The following DLGAP1 variants were observed in gnomAD, a reference collection of about 807,000 sequenced individuals.
The protein encoded by DLGAP1 is disks large-associated protein 1.
Under a neutral mutation model 90.8 loss-of-function variants are expected in DLGAP1, and 11 were observed. The ratio of observed to expected loss-of-function variants is 0.12; its 90% CI spans 0.08 to 0.20. The LOEUF (loss-of-function observed/expected upper bound fraction) is 0.20, where lower values mean the gene tolerates loss of function less well. Ranked by LOEUF, DLGAP1 falls within the 10% of genes least tolerant of loss-of-function variation. DLGAP1 has a pLI of 1.00. For synonymous variants in DLGAP1, 558 were observed against 540.7 expected, an observed-to-expected ratio of 1.03 and a Z score of -0.44; for missense variants, 1,050 against 1,333.8, an observed-to-expected ratio of 0.79 and a Z score of 3.31.
rs10625642 is a variant in DLGAP1, at chr18:4,257,973, A to ATGTGTGTGTG, written c.-266-106696_-266-106687dup. 3.8e-3 allele frequency among the ~76,000 whole-genome samples: 543 copies of ATGTGTGTGTG among 141,338 alleles called. 1 individual carries two copies. The highest frequency in any genetic ancestry group is 0.012 in the East Asian group (60 of 4,812). 92.7% of individuals were successfully genotyped at this position (141,338 alleles called of 152,430 possible). ...ATGGATTACAACAAGAGTTATACAT[A>ATGTGTGTGTG]TGTGTGTGTGTGTGTGTGTGTGTGT... On this transcript the variant is annotated intron_variant, in intron 1 of 12. Coordinates refer to ENST00000315677, the MANE Select transcript of DLGAP1 (RefSeq NM_004746.4).
intron 8 of DLGAP1, among the ~76,000 whole-genome samples, chr18:3,568,892 T>C (rs2054593105): frequency 6.6e-6 from 1 of 151,712 alleles, no homozygotes; most frequent in Admixed American, 6.6e-5. Flanking sequence ...TTCACTGTGT[T>C]AGCCAGGATG....
intron 6 of DLGAP1, among the ~76,000 whole-genome samples, chr18:3,735,574 G>A (rs1397758290): frequency 6.6e-6 from 1 of 152,106 alleles, no homozygotes; most frequent in Non-Finnish European, 1.5e-5. Context: ...ATAAAAGGTG[G>A]ATATTATTTT....
chr18:3,829,248 A>C (rs2067899693), intron 4 of DLGAP1, among the ~76,000 whole-genome samples: 2 of 152,228 alleles, frequency 1.3e-5, no homozygotes, highest in Admixed American at 1.3e-4. Flanking sequence ...ACTGACTATA[A>C]AGATAGAGAT....
intron 4 of DLGAP1, among the ~76,000 whole-genome samples, chr18:3,843,292 T>G (rs577794301): frequency 6.6e-6 from 1 of 152,294 alleles, no homozygotes; most frequent in Admixed American, 6.5e-5. Context: ...CATGCATGGG[T>G]TGACCACTAC....
rs184587433 is a variant in DLGAP1, at chr18:4,366,902, G to T, written c.-267+88104C>A. On this transcript the variant is annotated intron_variant, in intron 1 of 12. Transcript: ENST00000315677. ...CAAATGAACACAATAATTACATATA[G>T]GCAAATTACAAAGTTATCTCACAGA... is the stretch of plus-strand genomic sequence containing the variant. Among the ~76,000 whole-genome samples the T allele has an allele frequency of 3.5e-5, 5 of 143,794 alleles. No homozygotes were observed. The Admixed American group carries it at 3.8e-4, about 11-fold the overall frequency. 94.3% of individuals were successfully genotyped at this position (143,794 alleles called of 152,430 possible).
chr18:3,783,991 C>T (rs1568128056), intron 5 of DLGAP1, among the ~76,000 whole-genome samples: 1 of 152,196 alleles, frequency 6.6e-6, no homozygotes, highest in South Asian at 2.1e-4. Flanking sequence ...GCTTTTTGCT[C>T]CTGGCCCCTG....
At chr18:3,828,480 C>T (rs1329163040) in intron 4 of DLGAP1, among the ~76,000 whole-genome samples, 1 of 151,658 alleles carries the variant, frequency 6.6e-6, no homozygotes, top group African/African-American at 2.4e-5. Context: ...TTTCAACAAA[C>T]TATTTAAATA....
intron 4 of DLGAP1, among the ~76,000 whole-genome samples, chr18:3,821,514 T>TTTTG (rs1348054234): frequency 6.6e-6 from 1 of 152,128 alleles, no homozygotes; most frequent in African/African-American, 2.4e-5. Flanking sequence ...ATGTAACCAT[T>TTTTG]CAAATAAGCA....
chr18:3,608,566 G>A (rs919299046), intron 7 of DLGAP1, among the ~76,000 whole-genome samples: 25 of 152,234 alleles, frequency 1.6e-4, no homozygotes, highest in Admixed American at 1.6e-3. Context: ...ATGTGTTGGG[G>A]CTCAGAACAT....
At chr18:3,669,884 C>T (rs1255080775) in intron 7 of DLGAP1, among the ~76,000 whole-genome samples, 1 of 152,158 alleles carries the variant, frequency 6.6e-6, no homozygotes, top group African/African-American at 2.4e-5. Flanking sequence ...TAAAAGAACA[C>T]CCTGCGACAC....
chr18:4,109,092 A>G (rs2075923084), intron 2 of DLGAP1, among the ~76,000 whole-genome samples: 1 of 152,134 alleles, frequency 6.6e-6, no homozygotes, highest in South Asian at 2.1e-4. Flanking sequence ...TGACCTGGAA[A>G]TGATTATATT....
chr18:4,192,700 G>A (rs2144744044), intron 1 of DLGAP1, among the ~76,000 whole-genome samples: 1 of 152,210 alleles, frequency 6.6e-6, no homozygotes, highest in African/African-American at 2.4e-5. Flanking sequence ...CAAATTCCAG[G>A]CAAATAAAAG....
chr18:3,574,915 C>T (rs1165341430), intron 8 of DLGAP1, among the ~76,000 whole-genome samples: 8 of 151,170 alleles, frequency 5.3e-5, no homozygotes, highest in East Asian at 2.0e-4. Flanking sequence ...CCCGGGTTCA[C>T]GCCATTCTCC....
chr18:4,381,227 G>C (rs1213690235), intron 1 of DLGAP1, among the ~76,000 whole-genome samples: 1 of 152,126 alleles, frequency 6.6e-6, no homozygotes, highest in Admixed American at 6.5e-5. Context: ...ATCTATTGGA[G>C]TGGGCCTACA....
intron 3 of DLGAP1, among the ~76,000 whole-genome samples, chr18:3,906,082 C>T (rs1599142136): frequency 6.6e-6 from 1 of 152,258 alleles, no homozygotes; most frequent in South Asian, 2.1e-4. Flanking sequence ...TCTCCTTTCA[C>T]CTAATCCGTA....
At chr18:4,291,953 T>C (rs1274597128) in intron 1 of DLGAP1, among the ~76,000 whole-genome samples, 1 of 152,132 alleles carries the variant, frequency 6.6e-6, no homozygotes, top group Non-Finnish European at 1.5e-5. Context: ...CAAATTTGGG[T>C]TCTACATTAG....
At chr18:3,679,924 G>C (rs2060451632) in intron 7 of DLGAP1, 1 of 150,968 alleles carries the variant, frequency 6.6e-6, no homozygotes, top group Non-Finnish European at 1.5e-5. Context: ...GGACTCAAAT[G>C]GTCTTCCCAC....
chr18:3,624,334 G>C (rs541618789), intron 7 of DLGAP1, among the ~76,000 whole-genome samples: 1 of 152,352 alleles, frequency 6.6e-6, no homozygotes, highest in Admixed American at 6.5e-5. Context: ...GCACAGGCAG[G>C]GATGTGTGCC....
chr18:3,840,022 C>T (rs1397465402), intron 4 of DLGAP1, among the ~76,000 whole-genome samples: 1 of 152,214 alleles, frequency 6.6e-6, no homozygotes, highest in East Asian at 1.9e-4. Context: ...CTTCAAAACC[C>T]TCTCTTTCTA....
Sources: gnomAD v4.1 joint callset for allele counts (sites outside exome capture counted in the v4.1 genomes callset) on GRCh38, gnomAD v4.1.1 for gene constraint, MANE v1.5 for transcripts, NCBI Gene and HGNC (gene_info 2026-07-23, HGNC 2026-07-21) for gene names.